Variants in NSUN6 observed in about 807,000 individuals in gnomAD.
NSUN6 encodes NOP2/Sun RNA methyltransferase 6.
A neutral mutation model predicts 58.0 loss-of-function variants in NSUN6; 64 were observed. The observed-to-expected ratio is 1.10, with a 90% CI of 0.90 to 1.36. The LOEUF is 1.36. NSUN6 is among the 40% of genes most tolerant of loss of function. NSUN6 has a pLI of 0.00. For missense variants in NSUN6, 701 were observed against 550.1 expected, an observed-to-expected ratio of 1.27 and a Z score of -2.74; for synonymous variants, 231 against 193.9, an observed-to-expected ratio of 1.19 and a Z score of -1.59.
rs1215942014 is a variant in NSUN6, at chr10:18,546,030, G to C, written c.1313C>G (p.Ser438Cys). The change falls in exon 11 of 11, where the codon TCT becomes TGT. Residue 438 changes from serine to cysteine, a missense_variant. Physicochemically the swap from Ser to Cys is moderately radical, Grantham distance 112. Transcript: ENST00000377304. ...GTCTTCTCTTCTGGCCTCTCTAAGA[G>C]AGTCCATGTCAGTGTCCGGTAATGG... ...AVPLPDTDMD[S>C]LREARREDML... The C allele has an allele frequency of 2.5e-6, 4 of 1,597,604 alleles. No homozygotes were observed. Among genetic ancestry groups the C allele is most frequent in the East Asian group, 2.2e-5 (1 of 44,786 alleles).
intron 3 of NSUN6, among the ~76,000 whole-genome samples, chr10:18,627,965 A>T (rs1053299309): frequency 6.6e-6 from 1 of 152,256 alleles, no homozygotes; most frequent in Non-Finnish European, 1.5e-5. Context: ...GGGCACAGAC[A>T]AACAAATAGA....
intron 2 of NSUN6, among the ~76,000 whole-genome samples, chr10:18,644,024 G>A (rs11015312): frequency 0.35 from 53,043 of 151,958 alleles, 9,813 homozygotes; most frequent in East Asian, 0.73. Flanking sequence ...CAGCCTTATT[G>A]AGATAATTTA....
At chr10:18,650,556 GCTGTACCTTT>G (rs1031605519) in intron 1 of NSUN6, among the ~76,000 whole-genome samples, 1 of 152,080 alleles carries the variant, frequency 6.6e-6, no homozygotes, top group African/African-American at 2.4e-5. Flanking sequence ...AGATTCAAAA[GCTGTACCTTT>G]GTTCATTACA....
At chr10:18,653,340 A>G (rs2059741275), upstream of NSUN6, 1 of 981,876 alleles carries the variant, frequency 1.0e-6, no homozygotes, top group South Asian at 4.7e-5. Flanking sequence ...TTACTTCACT[A>G]GTGCCACACA....
At chr10:18,628,445 C>T (rs147765484) in intron 3 of NSUN6, among the ~76,000 whole-genome samples, 1,568 of 152,126 alleles carry the variant, frequency 0.01, 32 homozygotes, top group African/African-American at 0.036. Context: ...CTTCAGACGA[C>T]CAAATTACTC....
In NSUN6 at chr10:18,591,928, G is replaced by C. The variant is rs1440508133; in HGVS notation, c.777+4280C>G. Among the ~76,000 whole-genome samples, 3 of 152,132 alleles carry C rather than the reference G, an allele frequency of 2.0e-5. No individual in the cohort carries two copies. The East Asian group carries it at 5.8e-4, about 29-fold the overall frequency. ...AAATAGGAAGAGAGGAAGTCAAGTT[G>C]TCTCTGTTTGCAGATGACATGACTG... On this transcript the variant is annotated intron_variant, in intron 7 of 10. Transcript: ENST00000377304.
At position 18,545,800 on chromosome 10, in the gene NSUN6, C is replaced by T; in HGVS notation, c.*133G>A. On this transcript the variant is annotated 3_prime_UTR_variant, in exon 11 of 11. Transcript: ENST00000377304. ...CTATGTCTCTGGATCCCTGGTAAAA[C>T]AGCTGGCAGCCTTTTCTGTTTCCAT... 2 of 654,030 alleles carry T rather than the reference C, an allele frequency of 3.1e-6. No individual in the cohort carries two copies. Among genetic ancestry groups the T allele is most frequent in the Non-Finnish European group, 5.3e-6 (2 of 376,492 alleles). The allele number at this position is 654,030 out of a possible 1,614,324, so 40.5% of individuals were successfully genotyped here.
intron 9 of NSUN6, among the ~76,000 whole-genome samples, chr10:18,549,454 C>A (rs1564697898): frequency 2.0e-5 from 3 of 152,168 alleles, no homozygotes; most frequent in Non-Finnish European, 4.4e-5. Flanking sequence ...CAATCCAACA[C>A]TCCTATCCCC....
In NSUN6 at chr10:18,651,493, A is replaced by G. The variant is rs2059704992; in HGVS notation, c.-290T>C. On this transcript the variant is annotated 5_prime_UTR_variant, in exon 1 of 11. Coordinates refer to ENST00000377304, the MANE Select transcript of NSUN6 (RefSeq NM_182543.5). ...CCACTCACGTTGCAAAGAACCAAAA[A>G]AAGAAAAAAATGCTTAGTAACTGAA... The G allele has an allele frequency of 9.1e-7, 1 of 1,095,702 alleles. No individual in the cohort carries two copies. The highest frequency in any genetic ancestry group is 1.6e-5 in the African/African-American group (1 of 61,420). 67.9% of individuals were successfully genotyped at this position (1,095,702 alleles called of 1,614,324 possible). A position where few individuals can be genotyped will look rare whatever the true frequency, so the allele number is the denominator to read the frequency against.
Position 18,616,297 on chromosome 10 carries a change from G to A in NSUN6, c.312-4C>T, listed in dbSNP as rs376128989. On this transcript the variant is annotated splice_region_variant and splice_polypyrimidine_tract_variant and intron_variant, in intron 3 of 10. Coordinates refer to ENST00000377304, the MANE Select transcript of NSUN6 (RefSeq NM_182543.5). ...CTGTTGTTTTTTAATATTCTTTCTA[G>A]AAATGTAAGACACAAGAAGTTTAAT... The A allele has an allele frequency of 1.9e-5, 29 of 1,561,862 alleles. No homozygotes were observed. Among genetic ancestry groups the A allele is most frequent in the African/African-American group, 1.4e-5 (1 of 73,842 alleles).
chr10:18,618,456 T>G (rs1332435212), intron 3 of NSUN6, among the ~76,000 whole-genome samples: 1 of 151,878 alleles, frequency 6.6e-6, no homozygotes, highest in Non-Finnish European at 1.5e-5. Flanking sequence ...CTGAGGTGGG[T>G]GGATCACATG....
intron 6 of NSUN6, among the ~76,000 whole-genome samples, chr10:18,607,691 C>T (rs1209568000): frequency 6.6e-6 from 1 of 152,244 alleles, no homozygotes; most frequent in African/African-American, 2.4e-5. Flanking sequence ...CTGCTGGTGA[C>T]TCAGATGCAG....
intron 6 of NSUN6, among the ~76,000 whole-genome samples, chr10:18,609,175 G>C (rs1386983812): frequency 6.6e-6 from 1 of 152,158 alleles, no homozygotes; most frequent in East Asian, 1.9e-4. Flanking sequence ...GTGGGGCATA[G>C]TAGTGCACAC....
chr10:18,587,898 G>T lies in NSUN6; in HGVS notation c.778-1805C>A, dbSNP rs752445677. ...CTGTAGTTTTTTTTTTTGTACCTCA[G>T]TGGCACCTGGAACCCCAGTAAGACA... On this transcript the variant is annotated intron_variant, in intron 7 of 10. Transcript: ENST00000377304. Among the ~76,000 whole-genome samples, 6 of 151,850 alleles carry T rather than the reference G, an allele frequency of 4.0e-5. No individual in the cohort carries two copies. In the East Asian group the frequency reaches 7.7e-4, roughly 20 times the overall value.
chr10:18,553,579 G>C (rs569644038), intron 8 of NSUN6, among the ~76,000 whole-genome samples: 16 of 151,676 alleles, frequency 1.1e-4, no homozygotes, highest in African/African-American at 3.6e-4. Flanking sequence ...GTGTGGAATG[G>C]AGATTGTTTT....
upstream of NSUN6, chr10:18,653,252 T>G: frequency 1.0e-6 from 1 of 984,008 alleles, no homozygotes; most frequent in Non-Finnish European, 1.2e-6. Context: ...AAATACTTAC[T>G]GAATGACTAA....
chr10:18,575,215 T>C (rs1262581868), intron 8 of NSUN6, among the ~76,000 whole-genome samples: 2 of 152,172 alleles, frequency 1.3e-5, no homozygotes, highest in Non-Finnish European at 2.9e-5. Context: ...TAGGAATTTA[T>C]ACCCTGGCCA....
At chr10:18,574,896 T>C (rs1476194657) in intron 8 of NSUN6, among the ~76,000 whole-genome samples, 1 of 152,164 alleles carries the variant, frequency 6.6e-6, no homozygotes, top group East Asian at 1.9e-4. Flanking sequence ...AGCCTTTCTT[T>C]TGAAAGTCGA....
At position 18,643,735 on chromosome 10, in the gene NSUN6, T is replaced by C. The variant is rs146611741; in HGVS notation, c.232-1180A>G. Among the ~76,000 whole-genome samples, 9 of 152,320 alleles carry C rather than the reference T, an allele frequency of 5.9e-5. No individual in the cohort carries two copies. In the East Asian group the frequency reaches 9.7e-4, roughly 16 times the overall value. On this transcript the variant is annotated intron_variant, in intron 2 of 10. Coordinates refer to ENST00000377304, the MANE Select transcript of NSUN6 (RefSeq NM_182543.5). Reference sequence around the variant, plus strand: ...TTTGATAGCCTTACAGTATCAATTATAGGGAACAAATCTTGCCAAAGAGAA... The same window carrying C: ...TTTGATAGCCTTACAGTATCAATTACAGGGAACAAATCTTGCCAAAGAGAA...
Sources: allele counts gnomAD v4.1 joint callset (sites outside exome capture counted in the v4.1 genomes callset), GRCh38; gene constraint gnomAD v4.1.1; transcripts MANE v1.5; gene names NCBI Gene and HGNC (gene_info 2026-07-23, HGNC 2026-07-21).